Variants in PJA2 observed in about 807,000 individuals in gnomAD.
PJA2 encodes praja ring finger ubiquitin ligase 2.
A neutral mutation model predicts 69.3 loss-of-function variants in PJA2; 25 were observed. That is an observed-to-expected ratio of 0.36 (90% CI 0.26 to 0.50). The LOEUF (loss-of-function observed/expected upper bound fraction) is 0.50, where lower values mean the gene tolerates loss of function less well. Ranked by LOEUF, PJA2 falls within the 20% of genes least tolerant of loss-of-function variation. The pLI is 0.96. For synonymous variants in PJA2, 308 were observed against 277.8 expected (o/e 1.11, Z -1.08); for missense variants, 809 against 830.2 (o/e 0.97, Z 0.31).
intron 9 of PJA2, among the ~76,000 whole-genome samples, chr5:109,343,256 A>G (rs1196113484): frequency 8.9e-6 from 1 of 111,962 alleles, no homozygotes; most frequent in Non-Finnish European, 1.8e-5. Flanking sequence ...TCAGGATTAA[A>G]TGGATTAAGG....
intron 9 of PJA2, among the ~76,000 whole-genome samples, chr5:109,338,424 G>C (rs1419051381): frequency 6.6e-6 from 1 of 152,100 alleles, no homozygotes; most frequent in East Asian, 1.9e-4. Flanking sequence ...CAGATTGCCT[G>C]AGCTCAGGAG....
intron 1 of PJA2, 146 bp downstream of exon 1, chr5:109,409,696 C>G (rs1403370267): frequency 6.5e-6 from 1 of 153,192 alleles, no homozygotes; most frequent in Non-Finnish European, 1.5e-5. Flanking sequence ...CCATGGCCGG[C>G]GCAGCAGGCC....
chr5:109,372,230 T>C (rs180889621), intron 4 of PJA2, among the ~76,000 whole-genome samples: 4,637 of 152,268 alleles, frequency 0.03, 93 homozygotes, highest in Middle Eastern at 0.048. Context: ...AAAAGTTAAA[T>C]GTCTTTGAAT....
intron 6 of PJA2, among the ~76,000 whole-genome samples, chr5:109,358,267 G>A (rs1177350886): frequency 7.2e-5 from 11 of 152,216 alleles, no homozygotes; most frequent in Non-Finnish European, 1.3e-4. Context: ...ACAATAGCAC[G>A]TGCCTTAAGG....
At chr5:109,349,131 T>C (rs578006058) in intron 7 of PJA2, among the ~76,000 whole-genome samples, 1 of 152,320 alleles carries the variant, frequency 6.6e-6, no homozygotes, top group South Asian at 2.1e-4. Flanking sequence ...TGGGTGGAAA[T>C]ACAATTCTAT....
At chr5:109,344,149 T>G (rs1762135007) in intron 9 of PJA2, 41 bp downstream of exon 9, 1 of 1,139,848 alleles carries the variant, frequency 8.8e-7, no homozygotes, top group African/African-American at 1.9e-5. Context: ...CAGAAGACAC[T>G]ATTAAAGTAT....
chr5:109,401,762 T>C (rs1043509387), intron 1 of PJA2, among the ~76,000 whole-genome samples: 1 of 152,172 alleles, frequency 6.6e-6, no homozygotes, highest in Non-Finnish European at 1.5e-5. Flanking sequence ...GCAGAAAGAA[T>C]AAGCACTGGA....
intron 7 of PJA2, among the ~76,000 whole-genome samples, chr5:109,353,535 TATC>T (rs1274111158): frequency 1.1e-3 from 132 of 116,418 alleles, no homozygotes; most frequent in African/African-American, 5.9e-3. Flanking sequence ...ATATCTATAA[TATC>T]ATAGATATCT....
intron 1 of PJA2, among the ~76,000 whole-genome samples, chr5:109,384,341 C>A (rs1328069273): frequency 6.6e-6 from 1 of 152,078 alleles, no homozygotes; most frequent in Non-Finnish European, 1.5e-5. Flanking sequence ...GTCAGTTGAT[C>A]AGATAATTTA....
chr5:109,365,582 CTT>C (rs11301451), intron 5 of PJA2, among the ~76,000 whole-genome samples: 1 of 151,202 alleles, frequency 6.6e-6, no homozygotes, highest in African/African-American at 2.4e-5. Flanking sequence ...TGTATGAATC[CTT>C]TTTTTTTTAA....
chr5:109,353,116 T>C (rs1269980389), intron 7 of PJA2, among the ~76,000 whole-genome samples: 2 of 143,206 alleles, frequency 1.4e-5, no homozygotes, highest in South Asian at 2.2e-4. Context: ...CCTATATCTA[T>C]AGACATCTAT....
chr5:109,343,087 T>C (rs1003624486), intron 9 of PJA2, among the ~76,000 whole-genome samples: 3 of 108,506 alleles, frequency 2.8e-5, no homozygotes, highest in East Asian at 2.2e-4. Context: ...GGGGAAAAGA[T>C]TGAGAAATCG....
chr5:109,344,892 C>G (rs1762148277), intron 7 of PJA2, 73 bp from the exon 8 acceptor site: 2 of 941,414 alleles, frequency 2.1e-6, no homozygotes, highest in East Asian at 4.9e-5. Context: ...TTTAGGGTAT[C>G]TCCAAAATTA....
chr5:109,345,554 A>T (rs1350798172), intron 7 of PJA2, among the ~76,000 whole-genome samples: 1 of 151,022 alleles, frequency 6.6e-6, no homozygotes, highest in Non-Finnish European at 1.5e-5. Context: ...CTCAATAATC[A>T]TCTACTTCTC....
intron 1 of PJA2, among the ~76,000 whole-genome samples, chr5:109,395,423 G>A (rs953104607): frequency 1.3e-5 from 2 of 152,060 alleles, no homozygotes; most frequent in African/African-American, 2.4e-5. Context: ...AGCTACATGC[G>A]AGGCTGAGGT....
chr5:109,373,025 TG>T (rs1762702491), intron 4 of PJA2, among the ~76,000 whole-genome samples: 1 of 147,668 alleles, frequency 6.8e-6, no homozygotes. Context: ...ACCCAGGAGG[TG>T]GAGGTTGCAG....
At chr5:109,400,055 C>G (rs1747505107) in intron 1 of PJA2, among the ~76,000 whole-genome samples, 1 of 151,898 alleles carries the variant, frequency 6.6e-6, no homozygotes, top group Non-Finnish European at 1.5e-5. Context: ...TTTGGGAGGC[C>G]AAGATGGGTG....
chr5:109,380,067 A>G (rs1747004058), intron 3 of PJA2, among the ~76,000 whole-genome samples: 2 of 146,290 alleles, frequency 1.4e-5, no homozygotes, highest in Admixed American at 6.8e-5. Context: ...GGGTTCTTTG[A>G]TATATGGTAC....
intron 9 of PJA2, among the ~76,000 whole-genome samples, chr5:109,342,006 G>A (rs1371235075): frequency 1.5e-5 from 2 of 132,418 alleles, no homozygotes; most frequent in African/African-American, 2.8e-5. Context: ...GAGGTGGGGG[G>A]GTCGGCCCCC....
Sources: allele counts gnomAD v4.1 joint callset (sites outside exome capture counted in the v4.1 genomes callset), GRCh38; gene constraint gnomAD v4.1.1; transcripts MANE v1.5; gene names NCBI Gene and HGNC (gene_info 2026-07-23, HGNC 2026-07-21).